The following NR5A2 variants were observed in gnomAD, a reference collection of about 807,000 sequenced individuals.
NR5A2 encodes nuclear receptor subfamily 5 group A member 2.
In NR5A2, 26 loss-of-function variants were observed where a neutral mutation model predicts 62.7. That is an observed-to-expected ratio of 0.41 (90% confidence interval 0.30 to 0.58). The LOEUF is 0.58. Ranked by LOEUF, NR5A2 falls within the 20% of genes least tolerant of loss-of-function variation. NR5A2 has a pLI of 0.22. For synonymous variants in NR5A2, 246 were observed against 241.7 expected (o/e 1.02, Z -0.16); for missense variants, 541 against 669.1 (o/e 0.81, Z 2.11).
In NR5A2 at chr1:200,048,653, G is replaced by A. The variant is rs1325075033; in HGVS notation, c.945G>A (p.Glu315=). 6.2e-7 allele frequency: 1 copy of A among 1,614,082 alleles called. No individual in the cohort carries two copies. Among genetic ancestry groups the A allele is most frequent in the Non-Finnish European group, 8.5e-7 (1 of 1,180,050 alleles). The change falls in exon 5 of 8, where the codon GAG becomes GAA. Residue 315 remains glutamate (E), a synonymous_variant. Transcript: ENST00000367362. This position sits in a 1 kb window ranked among gnomAD's most constrained non-coding sequence, Gnocchi z 4.8. ...AACTTTTGAAGTGTGAGCCAGATGA[G>A]CCTCAAGTCCAGGCTAAAATCATGG... ...ILELLKCEPD[E]PQVQAKIMAY... is the part of the protein sequence containing the mutation.
At chr1:200,133,610 TACACAC>T (rs35303405) in intron 7 of NR5A2, among the ~76,000 whole-genome samples, 19 of 143,428 alleles carry the variant, frequency 1.3e-4, no homozygotes, top group East Asian at 8.1e-4. Flanking sequence ...TACACATATA[TACACAC>T]ACACACACAC....
At chr1:200,075,799 C>G (rs1664001586) in intron 5 of NR5A2, among the ~76,000 whole-genome samples, 1 of 152,044 alleles carries the variant, frequency 6.6e-6, no homozygotes, top group African/African-American at 2.4e-5. Flanking sequence ...AGAGTCTTTA[C>G]GAGCCTTATA....
In NR5A2 at chr1:200,042,396, T is replaced by G. The variant is rs554495405; in HGVS notation, c.203-1378T>G. Among the ~76,000 whole-genome samples the G allele has an allele frequency of 5.8e-4, 88 of 152,280 alleles. No individual in the cohort carries two copies. The Middle Eastern group carries it at 0.01, about 18-fold the overall frequency. On this transcript the variant is annotated intron_variant, in intron 2 of 7. Coordinates refer to ENST00000367362, the MANE Select transcript of NR5A2 (RefSeq NM_205860.3). Reference sequence around the variant, plus strand: ...GGGAACCAAAGAGAAAAAAAATAACTTTATTTTCAAAAGAACAAGTCATCA... The same window carrying G: ...GGGAACCAAAGAGAAAAAAAATAACGTTATTTTCAAAAGAACAAGTCATCA...
chr1:200,140,196 G>C (rs952307536), intron 7 of NR5A2, among the ~76,000 whole-genome samples: 23 of 151,904 alleles, frequency 1.5e-4, no homozygotes, highest in African/African-American at 5.6e-4. Flanking sequence ...TATATCTTCT[G>C]TGTAGATTAT....
chr1:200,100,096 G>C (rs1267702946), intron 5 of NR5A2, among the ~76,000 whole-genome samples: 4 of 152,182 alleles, frequency 2.6e-5, no homozygotes, highest in Admixed American at 1.3e-4. Flanking sequence ...TTATCTGCCA[G>C]GTTAGACATG....
In NR5A2 at chr1:200,039,307, C is replaced by T. The variant is rs1418761242; in HGVS notation, c.65-351C>T. ...AGCAGTGGCAGCGGCACAGCCGGGG[C>T]GGCAATAGCAGCCCCGCGGTCGCCT... On this transcript the variant is annotated intron_variant, in intron 1 of 7. Coordinates refer to ENST00000367362, the MANE Select transcript of NR5A2 (RefSeq NM_205860.3). This position sits in a 1 kb window ranked among gnomAD's most constrained non-coding sequence, Gnocchi z 5.1. 2.6e-5 allele frequency among the ~76,000 whole-genome samples: 4 copies of T among 152,108 alleles called. No homozygotes were observed. The highest frequency in any genetic ancestry group is 6.5e-5 in the Admixed American group (1 of 15,274).
chr1:200,099,508 G>A (rs1289544630), intron 5 of NR5A2, among the ~76,000 whole-genome samples: 1 of 152,092 alleles, frequency 6.6e-6, no homozygotes, highest in Non-Finnish European at 1.5e-5. Flanking sequence ...TATTTTACAA[G>A]CTGGAGGGCA....
chr1:200,140,770 C>T (rs1172659148), intron 7 of NR5A2, among the ~76,000 whole-genome samples: 5 of 152,356 alleles, frequency 3.3e-5, no homozygotes, highest in African/African-American at 9.6e-5. Context: ...GTGGCTAACG[C>T]CTATAATCCC....
chr1:200,124,969 C>T (rs546673765), intron 7 of NR5A2, among the ~76,000 whole-genome samples: 3 of 152,204 alleles, frequency 2.0e-5, no homozygotes, highest in South Asian at 2.1e-4. Context: ...CGAAGCAACT[C>T]GTGATAGGTA....
At chr1:200,058,243 A>G (rs982352964) in intron 5 of NR5A2, 9 of 152,316 alleles carry the variant, frequency 5.9e-5, no homozygotes, top group African/African-American at 1.9e-4. Context: ...TTTAAAGCCT[A>G]CAACAGAACC....
At chr1:200,080,262 G>A (rs1002300417) in intron 5 of NR5A2, among the ~76,000 whole-genome samples, 2 of 152,062 alleles carry the variant, frequency 1.3e-5, no homozygotes, top group Admixed American at 6.6e-5. Flanking sequence ...CCAGTCACCC[G>A]AATTAACCTT....
At chr1:200,072,513 C>T (rs1176226399) in intron 5 of NR5A2, among the ~76,000 whole-genome samples, 1 of 152,028 alleles carries the variant, frequency 6.6e-6, no homozygotes, top group Non-Finnish European at 1.5e-5. Flanking sequence ...AAGAAAACAC[C>T]GTTGTATACC....
At chr1:200,062,227 T>TTGTGTGTG (rs6143563) in intron 5 of NR5A2, among the ~76,000 whole-genome samples, 16,456 of 145,622 alleles carry the variant, frequency 0.11, 999 homozygotes, top group African/African-American at 0.16. Flanking sequence ...CTGGCAGATT[T>TTGTGTGTG]TGTGTGTGTG....
intron 5 of NR5A2, among the ~76,000 whole-genome samples, chr1:200,102,815 G>A (rs193048353): frequency 6.6e-6 from 1 of 152,284 alleles, no homozygotes; most frequent in Non-Finnish European, 1.5e-5. Flanking sequence ...TATTACAAAA[G>A]GTTACATGAA....
intron 7 of NR5A2, among the ~76,000 whole-genome samples, chr1:200,168,199 CTT>C (rs1653998061): frequency 6.7e-6 from 1 of 149,336 alleles, no homozygotes. Context: ...AGTATATACA[CTT>C]TATATCTACT....
chr1:200,027,830 C>T lies in NR5A2; in HGVS notation c.-18C>T. The stretch of plus-strand genomic sequence containing the variant: ...ATTTCTGCTTTAAGCCAAAGAACTG[C>T]CTATAATTTCACTAAGAATGTCTTC... On this transcript the variant is annotated 5_prime_UTR_variant, in exon 1 of 8. Coordinates refer to ENST00000367362, the MANE Select transcript of NR5A2 (RefSeq NM_205860.3). The T allele has an allele frequency of 6.3e-7, 1 of 1,584,492 alleles. No homozygotes were observed. The highest frequency in any genetic ancestry group is 8.6e-7 in the Non-Finnish European group (1 of 1,161,888).
At chr1:200,126,807 C>G (rs1986405) in intron 7 of NR5A2, among the ~76,000 whole-genome samples, 71,880 of 151,696 alleles carry the variant, frequency 0.47, 17,225 homozygotes, top group East Asian at 0.68. Context: ...ATGAGCCACT[C>G]TGCCTGGCCT....
intron 7 of NR5A2, among the ~76,000 whole-genome samples, chr1:200,152,519 A>C (rs543733475): frequency 4.6e-5 from 7 of 152,238 alleles, no homozygotes; most frequent in African/African-American, 1.7e-4. Context: ...GAAATATTAC[A>C]GTAACAAACA....
chr1:200,070,583 G>A (rs575036502), intron 5 of NR5A2, among the ~76,000 whole-genome samples: 1 of 151,796 alleles, frequency 6.6e-6, no homozygotes, highest in East Asian at 1.9e-4. Context: ...GGGAGGCTGA[G>A]GCAGGATGAT....
Sources: allele counts gnomAD v4.1 joint callset (sites outside exome capture counted in the v4.1 genomes callset), GRCh38; gene constraint gnomAD v4.1.1; non-coding constraint Gnocchi (gnomAD v3.1); transcripts MANE v1.5; gene names NCBI Gene and HGNC (gene_info 2026-07-23, HGNC 2026-07-21).